Variants in RORA observed in about 807,000 individuals in gnomAD.
RORA encodes the protein RAR related orphan receptor A.
RORA carries 7 observed loss-of-function variants against 69.5 expected under a neutral mutation model. That is an observed-to-expected ratio of 0.10 (90% CI 0.06 to 0.19). RORA has a LOEUF of 0.19. RORA is among the 10% of genes least tolerant of loss of function. The pLI is 1.00. For synonymous variants in RORA, 261 were observed against 240.8 expected (o/e 1.08, Z -0.78); for missense variants, 457 against 663.0 (o/e 0.69, Z 3.41).
chr15:60,824,360 TGAG>T (rs1397054220), intron 1 of RORA, among the ~76,000 whole-genome samples: 8 of 152,092 alleles, frequency 5.3e-5, no homozygotes, highest in Admixed American at 2.0e-4. Flanking sequence ...GGGGTTCAAA[TGAG>T]GAGACACAAT....
intron 1 of RORA, among the ~76,000 whole-genome samples, chr15:60,740,135 T>C (rs1161068567): frequency 6.6e-6 from 1 of 152,140 alleles, no homozygotes; most frequent in Non-Finnish European, 1.5e-5. Context: ...TCAGTTTTTT[T>C]TAAGTTACTA....
chr15:60,913,818 T>G (rs1445556221), intron 1 of RORA, among the ~76,000 whole-genome samples: 1 of 152,184 alleles, frequency 6.6e-6, no homozygotes, highest in Non-Finnish European at 1.5e-5. Context: ...CAAAAAATAT[T>G]TATGCCCTTA....
chr15:60,849,464 C>A (rs192807919), intron 1 of RORA, among the ~76,000 whole-genome samples: 1 of 152,302 alleles, frequency 6.6e-6, no homozygotes, highest in African/African-American at 2.4e-5. Context: ...TTGCTATTTA[C>A]GAGGTACCAT....
rs1272998346 is a variant in RORA, at chr15:60,905,970, T to C, written c.167-227284A>G. On this transcript the variant is annotated intron_variant, in intron 1 of 10. Coordinates refer to ENST00000335670, the MANE Select transcript of RORA (RefSeq NM_134261.3). The surrounding 1 kb of genome is among the most constrained non-coding windows in gnomAD (Gnocchi z 4.8). ...AGCATTTATAAATATTTCAGAGGTG[T>C]TTCATAAATAAATCAGCAAATCTAC... Among the ~76,000 whole-genome samples the C allele has an allele frequency of 6.6e-6, 1 of 152,226 alleles. No homozygotes were observed. The highest frequency in any genetic ancestry group is 1.5e-5 in the Non-Finnish European group (1 of 68,052).
rs1555414887 is a variant in RORA at position 61,147,766 on chromosome 15, C to CTTGTGTGTGTGTGT, written c.166+81286_166+81287insACACACACACACAA. ...TGGTCAGTAGGCACGTGCGCACACG[C>CTTGTGTGTGTGTGT]GTGTGTGTGTGTGTGTGTGTGTGTG... On this transcript the variant is annotated intron_variant, in intron 1 of 10. Transcript: ENST00000335670. The surrounding 1 kb of genome is among the most constrained non-coding windows in gnomAD (Gnocchi z 4.1). Among the ~76,000 whole-genome samples the CTTGTGTGTGTGTGT allele has an allele frequency of 6.8e-6, 1 of 147,588 alleles. No homozygotes were observed. Among genetic ancestry groups the CTTGTGTGTGTGTGT allele is most frequent in the East Asian group, 2.1e-4 (1 of 4,862 alleles).
chr15:60,950,027 G>T (rs558141545), intron 1 of RORA, among the ~76,000 whole-genome samples: 2 of 151,848 alleles, frequency 1.3e-5, no homozygotes, highest in East Asian at 3.9e-4. Flanking sequence ...AATGTTAAGG[G>T]CAGCCAGAGA....
At chr15:61,057,662 T>C (rs2078114466) in intron 1 of RORA, among the ~76,000 whole-genome samples, 1 of 152,208 alleles carries the variant, frequency 6.6e-6, no homozygotes, top group Admixed American at 6.5e-5. Flanking sequence ...CTTGTTTCTT[T>C]GTCTCTTTCG....
At chr15:61,099,789 G>T (rs2078850223) in intron 1 of RORA, among the ~76,000 whole-genome samples, 1 of 152,140 alleles carries the variant, frequency 6.6e-6, no homozygotes, top group African/African-American at 2.4e-5. Flanking sequence ...GGCCAGAACT[G>T]GTTTATCATG....
intron 1 of RORA, among the ~76,000 whole-genome samples, chr15:61,026,887 C>T (rs1175837067): frequency 2.0e-5 from 3 of 152,020 alleles, no homozygotes; most frequent in African/African-American, 7.3e-5. Flanking sequence ...TCATAAAATA[C>T]GTTGTATTTT....
intron 1 of RORA, among the ~76,000 whole-genome samples, chr15:60,972,106 C>A (rs897818155): frequency 1.3e-5 from 2 of 152,182 alleles, no homozygotes; most frequent in African/African-American, 4.8e-5. Flanking sequence ...AAAAATGGTG[C>A]CACTGCTCAA....
intron 2 of RORA, among the ~76,000 whole-genome samples, chr15:60,591,155 G>C (rs1156415980): frequency 6.6e-6 from 1 of 152,204 alleles, no homozygotes; most frequent in African/African-American, 2.4e-5. Context: ...GGACAGTCTG[G>C]GTCTGCACAA....
In RORA at chr15:61,089,046, T is replaced by C. The variant is rs149366277; in HGVS notation, c.166+140007A>G. On this transcript the variant is annotated intron_variant, in intron 1 of 10. Coordinates refer to ENST00000335670, the MANE Select transcript of RORA (RefSeq NM_134261.3). ...TTTGCTACATGTGCCCCCAGAACCATTGGGAGTGTAAAACAGACCCCCTGA... is the reference window on the plus strand; with the variant it reads ...TTTGCTACATGTGCCCCCAGAACCACTGGGAGTGTAAAACAGACCCCCTGA... Among the ~76,000 whole-genome samples the C allele has an allele frequency of 2.3e-3, 344 of 152,296 alleles. 3 individuals carry two copies. Among genetic ancestry groups the C allele is most frequent in the Middle Eastern group, 0.014 (4 of 294 alleles).
chr15:61,143,306 G>A (rs906593773), intron 1 of RORA, among the ~76,000 whole-genome samples: 1 of 152,080 alleles, frequency 6.6e-6, no homozygotes, highest in African/African-American at 2.4e-5. Flanking sequence ...ACAGAGAGAT[G>A]TAAAAGCTGG....
chr15:61,049,422 G>T (rs1476789761), intron 1 of RORA, among the ~76,000 whole-genome samples: 4 of 152,232 alleles, frequency 2.6e-5, no homozygotes, highest in Non-Finnish European at 4.4e-5. Context: ...GATCATACAA[G>T]TCCATGTCCT....
At chr15:60,508,495 T>C (rs2065587235) in intron 5 of RORA, among the ~76,000 whole-genome samples, 1 of 152,206 alleles carries the variant, frequency 6.6e-6, no homozygotes, top group Non-Finnish European at 1.5e-5. Flanking sequence ...ATAATTTGTG[T>C]CTATCCTGAA....
At position 60,497,897 on chromosome 15, in the gene RORA, T is replaced by A. The variant is rs371567273; in HGVS notation, c.1408-278A>T. The stretch of plus-strand genomic sequence containing the variant: ...AACACGGTGAAACCCTGTCTCTACC[T>A]AAAAAAAAAAAATTAGCTAGGCATG... On this transcript the variant is annotated intron_variant, in intron 10 of 10. Coordinates refer to ENST00000335670, the MANE Select transcript of RORA (RefSeq NM_134261.3). Among the ~76,000 whole-genome samples the A allele has an allele frequency of 8.0e-3, 1,149 of 143,592 alleles. 11 individuals carry two copies. Among genetic ancestry groups the A allele is most frequent in the African/African-American group, 0.027 (1,072 of 39,296 alleles). 94.2% of individuals were successfully genotyped at this position (143,592 alleles called of 152,430 possible).
At chr15:60,593,469 AT>A (rs953739869) in intron 2 of RORA, 3 of 152,286 alleles carry the variant, frequency 2.0e-5, no homozygotes, top group African/African-American at 4.8e-5. Flanking sequence ...AACTTTGTAC[AT>A]TTTAACATGC....
At chr15:60,964,983 G>T (rs1893513229) in intron 1 of RORA, among the ~76,000 whole-genome samples, 1 of 152,162 alleles carries the variant, frequency 6.6e-6, no homozygotes, top group Admixed American at 6.5e-5. Context: ...ATGCTATGGG[G>T]ATGTTCCCTG....
intron 1 of RORA, among the ~76,000 whole-genome samples, chr15:60,936,577 G>A (rs545127225): frequency 2.0e-5 from 3 of 151,202 alleles, no homozygotes; most frequent in South Asian, 2.1e-4. Context: ...GCCCCCAAAC[G>A]GGGATCACAG....
Sources: gnomAD v4.1 joint callset for allele counts (sites outside exome capture counted in the v4.1 genomes callset) on GRCh38, gnomAD v4.1.1 for gene constraint, Gnocchi (gnomAD v3.1) non-coding constraint, MANE v1.5 for transcripts, NCBI Gene and HGNC (gene_info 2026-07-23, HGNC 2026-07-21) for gene names.